ARMC2: variants seen among roughly 807,000 people sequenced by gnomAD.
ARMC2 encodes the protein armadillo repeat containing 2, also known as armadillo repeat-containing protein 2.
Under a neutral mutation model 90.3 loss-of-function variants are expected in ARMC2, and 67 were observed. The ratio of observed to expected loss-of-function variants is 0.74; its 90% confidence interval spans 0.61 to 0.91. The LOEUF (loss-of-function observed/expected upper bound fraction) is 0.91, where lower values mean the gene tolerates loss of function less well. Ranked by LOEUF, ARMC2 falls within the 40% of genes least tolerant of loss-of-function variation. The pLI, the probability that ARMC2 is intolerant of heterozygous loss-of-function variation, is 0.00. For missense variants in ARMC2, 920 were observed against 1,030.9 expected (o/e 0.89, Z 1.47); for synonymous variants, 393 against 393.0 (o/e 1.00, Z 0.00).
At chr6:108,871,581 G>A (rs1776422056) in intron 4 of ARMC2, among the ~76,000 whole-genome samples, 1 of 152,156 alleles carries the variant, frequency 6.6e-6, no homozygotes, top group Non-Finnish European at 1.5e-5. Context: ...GTTGAATACT[G>A]TGTGTTTCAT....
At chr6:108,863,098 G>T (rs891169025) in intron 3 of ARMC2, among the ~76,000 whole-genome samples, 1 of 152,088 alleles carries the variant, frequency 6.6e-6, no homozygotes, top group African/African-American at 2.4e-5. Context: ...TTGCCCAGGG[G>T]GTTCCTGTTA....
intron 10 of ARMC2, among the ~76,000 whole-genome samples, chr6:108,921,827 G>A (rs1562391641): frequency 1.3e-5 from 2 of 152,360 alleles, no homozygotes; most frequent in East Asian, 1.9e-4. Context: ...CAATTTTGCA[G>A]TTGGCAGTTA....
At chr6:108,941,359 A>G (rs985951168) in intron 12 of ARMC2, among the ~76,000 whole-genome samples, 18 of 152,186 alleles carry the variant, frequency 1.2e-4, no homozygotes, top group African/African-American at 4.3e-4. Flanking sequence ...ACTCAGAGCT[A>G]AGAACCCAAG....
Position 108,864,238 on chromosome 6 carries a change from A to AT in ARMC2, c.292-4577dup, listed in dbSNP as rs1001503338. ...GTCACAAAGGTTCTGTGCTTGTGTG[A>AT]TTTTTTTTTCTTTTCTTTTTTTTTT... On this transcript the variant is annotated intron_variant, in intron 3 of 17. Transcript: ENST00000392644. 8.4e-4 allele frequency among the ~76,000 whole-genome samples: 114 copies of AT among 135,064 alleles called. 1 individual carries two copies. The highest frequency in any genetic ancestry group is 1.3e-3 in the Non-Finnish European group (84 of 64,878). The allele number at this position is 135,064 out of a possible 152,430, so 88.6% of individuals were successfully genotyped here. A position where few individuals can be genotyped will look rare whatever the true frequency, so the allele number is the denominator to read the frequency against.
At chr6:109,026,690 C>A in the ARMC2 span, among the ~76,000 whole-genome samples, 13 of 151,798 alleles carry the variant, frequency 8.6e-5, no homozygotes, top group Non-Finnish European at 1.8e-4. Context: ...TTTTTAGTAG[C>A]GACGGGGTTT....
chr6:108,922,096 A>G (rs1022625164), intron 10 of ARMC2, among the ~76,000 whole-genome samples: 4 of 152,130 alleles, frequency 2.6e-5, no homozygotes, highest in Admixed American at 1.3e-4. Context: ...CTGATGGAGG[A>G]AGGGCACAGA....
intron 13 of ARMC2, among the ~76,000 whole-genome samples, chr6:108,955,368 G>GC (rs143028747): frequency 1.6e-3 from 244 of 152,288 alleles, no homozygotes; most frequent in African/African-American, 5.5e-3. Context: ...GAGTGACAAG[G>GC]CCGTGCTTCA....
intron 8 of ARMC2, chr6:108,907,579 TG>T: frequency 6.6e-7 from 1 of 1,518,128 alleles, no homozygotes; most frequent in South Asian, 1.1e-5. Context: ...GCCAAGGTCG[TG>T]GGGTGGGGGG....
the ARMC2 span, among the ~76,000 whole-genome samples, chr6:109,006,280 A>C: frequency 1.0e-2 from 1,517 of 152,306 alleles, 34 homozygotes; most frequent in African/African-American, 0.035. Flanking sequence ...AGCATAACTG[A>C]TGAAAGCCCT....
chr6:109,025,612 T>A, the ARMC2 span, among the ~76,000 whole-genome samples: 8 of 150,106 alleles, frequency 5.3e-5, no homozygotes, highest in African/African-American at 2.0e-4. Context: ...ATAGAAAGTA[T>A]GGGTGAGAAA....
At position 108,964,182 on chromosome 6, in the gene ARMC2, C is replaced by T. The variant is rs1446840437; in HGVS notation, c.2155C>T (p.His719Tyr). ...VCDFIVQNNV[H>Y]RFMMALLDAQ... ...GCATTTGCTCTCTTCCCTCGTAGTC[C>T]ACAGGTTCATGATGGCGCTGCTGGA... is the stretch of plus-strand genomic sequence containing the variant. Residue 719 changes from histidine (H) to tyrosine (Y), a missense_variant and splice_region_variant, in exon 16 of 18, where the codon CAC becomes TAC. Physicochemically the swap from His to Tyr is moderately conservative, Grantham distance 83. Coordinates refer to ENST00000392644, the MANE Select transcript of ARMC2 (RefSeq NM_032131.6). The T allele has an allele frequency of 1.9e-6, 3 of 1,612,898 alleles. No homozygotes were observed. The highest frequency in any genetic ancestry group is 2.5e-6 in the Non-Finnish European group (3 of 1,179,456).
the ARMC2 span, chr6:108,994,697 TC>T: frequency 2.3e-4 from 117 of 511,002 alleles, 1 homozygote; most frequent in Non-Finnish European, 3.2e-4. Context: ...AGAATTTATA[TC>T]TTTTTTTTTT....
the ARMC2 span, among the ~76,000 whole-genome samples, chr6:108,995,239 A>G: frequency 1.3e-5 from 2 of 152,226 alleles, no homozygotes; most frequent in African/African-American, 2.4e-5. Flanking sequence ...ACTGCGTAAG[A>G]TAACTTCTAC....
chr6:109,009,428 G>C, the ARMC2 span: 1 of 1,392,166 alleles, frequency 7.2e-7, no homozygotes, highest in South Asian at 1.5e-5. Context: ...AAGGGGCCGT[G>C]TACGCCTCGT....
chr6:108,894,452 A>G lies in ARMC2; in HGVS notation c.672-15A>G, dbSNP rs753089434. The G allele has an allele frequency of 2.5e-6, 4 of 1,604,196 alleles. No homozygotes were observed. In the African/African-American group the frequency reaches 4.0e-5, roughly 16 times the overall value. On this transcript the variant is annotated splice_polypyrimidine_tract_variant and intron_variant, in intron 5 of 17. Coordinates refer to ENST00000392644, the MANE Select transcript of ARMC2 (RefSeq NM_032131.6). ...TTTTCATGTTTGCGCTGAGTGTTTTATGTATTCCTCCTAGGGACCAGGGGA... is the reference window on the plus strand; with the variant it reads ...TTTTCATGTTTGCGCTGAGTGTTTTGTGTATTCCTCCTAGGGACCAGGGGA...
chr6:108,918,326 G>A (rs571669557), intron 10 of ARMC2, among the ~76,000 whole-genome samples: 6 of 152,196 alleles, frequency 3.9e-5, no homozygotes, highest in African/African-American at 1.4e-4. Flanking sequence ...AGGAGAAGAG[G>A]GATCCCACCA....
chr6:108,909,453 T>TTA (rs1773168796), intron 8 of ARMC2, among the ~76,000 whole-genome samples: 1 of 147,956 alleles, frequency 6.8e-6, no homozygotes, highest in East Asian at 2.0e-4. Flanking sequence ...CTTTGCTTTT[T>TTA]AAAAAAAAAA....
chr6:109,052,786 A>C, the ARMC2 span, among the ~76,000 whole-genome samples: 1 of 152,084 alleles, frequency 6.6e-6, no homozygotes, highest in Non-Finnish European at 1.5e-5. Flanking sequence ...CAGTTTTGAG[A>C]CGAGACAGAA....
the ARMC2 span, among the ~76,000 whole-genome samples, chr6:108,983,895 G>C: frequency 6.6e-6 from 1 of 152,152 alleles, no homozygotes; most frequent in Non-Finnish European, 1.5e-5. Context: ...TACAGCAGGG[G>C]TCCCCAACCC....
Sources: allele counts gnomAD v4.1 joint callset (sites outside exome capture counted in the v4.1 genomes callset), GRCh38; gene constraint gnomAD v4.1.1; transcripts MANE v1.5; gene names NCBI Gene and HGNC (gene_info 2026-07-23, HGNC 2026-07-21).